Variants in OGN observed in about 807,000 individuals in gnomAD.
The protein encoded by OGN is osteoglycin.
A neutral mutation model predicts 30.8 loss-of-function variants in OGN; 19 were observed. The ratio of observed to expected loss-of-function variants is 0.62; its 90% CI spans 0.43 to 0.90. OGN has a LOEUF of 0.90. Among genes scored for constraint, OGN ranks in the 40% least tolerant of loss-of-function variants. OGN has a pLI of 0.00. For missense variants in OGN, 283 were observed against 349.7 expected, an observed-to-expected ratio of 0.81 and a Z score of 1.52; for synonymous variants, 126 against 128.3, an observed-to-expected ratio of 0.98 and a Z score of 0.12.
At chr9:92,397,789 C>T (rs897615636) in intron 3 of OGN, among the ~76,000 whole-genome samples, 2 of 152,174 alleles carry the variant, frequency 1.3e-5, no homozygotes, top group African/African-American at 4.8e-5. Context: ...ACAGATAATA[C>T]ACATACATGC....
rs139219434 is a variant in OGN, at chr9:92,389,690, G to A, written c.630+164C>T. On this transcript the variant is annotated intron_variant, in intron 5 of 6. Transcript: ENST00000375561. Reference sequence around the variant, plus strand: ...CTGAGATATGGGTATAAGCTAGGCTGAATGAGCCTAATAGGATGGTTATTT... The same window carrying A: ...CTGAGATATGGGTATAAGCTAGGCTAAATGAGCCTAATAGGATGGTTATTT... 5.4e-6 allele frequency: 3 copies of A among 551,890 alleles called. No homozygotes were observed. The South Asian group carries it at 8.1e-5, about 15-fold the overall frequency. The allele number at this position is 551,890 out of a possible 1,614,324, so 34.2% of individuals were successfully genotyped here. A position where few individuals can be genotyped will look rare whatever the true frequency, so the allele number is the denominator to read the frequency against.
intron 5 of OGN, among the ~76,000 whole-genome samples, chr9:92,386,920 C>T (rs1428525806): frequency 6.6e-6 from 1 of 151,324 alleles, no homozygotes; most frequent in African/African-American, 2.4e-5. Context: ...TGGTGGTGGG[C>T]GCCTGTAGTC....
At chr9:92,396,839 T>C (rs1308873711) in intron 3 of OGN, among the ~76,000 whole-genome samples, 1 of 152,080 alleles carries the variant, frequency 6.6e-6, no homozygotes, top group Non-Finnish European at 1.5e-5. Context: ...CATAAACATC[T>C]TTTATATCTA....
chr9:92,400,470 C>T (rs1843067147), intron 3 of OGN, among the ~76,000 whole-genome samples: 1 of 152,104 alleles, frequency 6.6e-6, no homozygotes, highest in African/African-American at 2.4e-5. Context: ...TAAATTTATT[C>T]AAATCTATTT....
At chr9:92,387,771 C>T (rs1564291035) in intron 5 of OGN, among the ~76,000 whole-genome samples, 2 of 150,868 alleles carry the variant, frequency 1.3e-5, no homozygotes, top group East Asian at 3.9e-4. Flanking sequence ...ATTTTCTTTT[C>T]TTTTTTTTTA....
intron 4 of OGN, among the ~76,000 whole-genome samples, chr9:92,390,376 T>A (rs1001482833): frequency 2.6e-5 from 4 of 152,234 alleles, no homozygotes; most frequent in Non-Finnish European, 5.9e-5. Context: ...TTGTTGCAAA[T>A]CATGGAAAGG....
Position 92,384,678 on chromosome 9 carries a change from G to A in OGN, c.*942C>T, listed in dbSNP as rs1337437347. On this transcript the variant is annotated 3_prime_UTR_variant, in exon 7 of 7. Coordinates refer to ENST00000375561, the MANE Select transcript of OGN (RefSeq NM_014057.5). The stretch of plus-strand genomic sequence containing the variant: ...TATTCAGTTTGTTACAGTGAACATG[G>A]ATGTGTATGGGTGGGAAGGTAGTGT... 1 of 152,092 alleles carries A rather than the reference G, an allele frequency of 6.6e-6. No individual in the cohort carries two copies. Among genetic ancestry groups the A allele is most frequent in the Non-Finnish European group, 1.5e-5 (1 of 67,988 alleles). The allele number at this position is 152,092 out of a possible 1,614,324, so 9.4% of individuals were successfully genotyped here.
intron 4 of OGN, among the ~76,000 whole-genome samples, chr9:92,390,678 A>T (rs1445277506): frequency 2.0e-5 from 3 of 152,172 alleles, no homozygotes; most frequent in Non-Finnish European, 2.9e-5. Context: ...GTTCTATAAA[A>T]TTACCACAAG....
chr9:92,393,324 A>G lies in OGN; in HGVS notation c.269-80T>C, dbSNP rs544071313. 7.5e-6 allele frequency: 8 copies of G among 1,073,296 alleles called. No homozygotes were observed. The African/African-American group carries it at 9.6e-5, about 13-fold the overall frequency. 66.5% of individuals were successfully genotyped at this position (1,073,296 alleles called of 1,614,324 possible). A position where few individuals can be genotyped will look rare whatever the true frequency, so the allele number is the denominator to read the frequency against. The stretch of plus-strand genomic sequence containing the variant: ...CTCTAGTAGTAAAATTATTGCTATT[A>G]TGAATGCTATTACTAATTTGAAGAG... On this transcript the variant is annotated intron_variant, in intron 3 of 6. Coordinates refer to ENST00000375561, the MANE Select transcript of OGN (RefSeq NM_014057.5).
chr9:92,403,767 G>A (rs1843214099), intron 1 of OGN: 1 of 621,244 alleles, frequency 1.6e-6, no homozygotes, highest in Non-Finnish European at 2.0e-6. Flanking sequence ...TAGGATACCT[G>A]TAGTATAAAT....
At chr9:92,391,800 A>G (rs72752442) in intron 4 of OGN, among the ~76,000 whole-genome samples, 4,672 of 152,206 alleles carry the variant, frequency 0.031, 113 homozygotes, top group South Asian at 0.084. Context: ...ATTTTTTGCC[A>G]CTCTGAGCAT....
At position 92,385,428 on chromosome 9, in the gene OGN, T is replaced by A. The variant is rs1842379129; in HGVS notation, c.*192A>T. ...TTAAATATTTTCATATTACTTTGTT[T>A]CGAACGTAGACATTCAGTCTTACTT... On this transcript the variant is annotated 3_prime_UTR_variant, in exon 7 of 7. Coordinates refer to ENST00000375561, the MANE Select transcript of OGN (RefSeq NM_014057.5). 1.9e-6 allele frequency: 1 copy of A among 524,142 alleles called. No homozygotes were observed. 32.5% of individuals were successfully genotyped at this position (524,142 alleles called of 1,614,324 possible). A position where few individuals can be genotyped will look rare whatever the true frequency, so the allele number is the denominator to read the frequency against.
At chr9:92,392,398 C>T (rs928362141) in intron 4 of OGN, among the ~76,000 whole-genome samples, 7 of 152,002 alleles carry the variant, frequency 4.6e-5, no homozygotes, top group East Asian at 3.9e-4. Context: ...CCGAGGCGGG[C>T]GGATCACAAG....
At chr9:92,389,233 G>A (rs1282403173) in intron 5 of OGN, among the ~76,000 whole-genome samples, 1 of 152,174 alleles carries the variant, frequency 6.6e-6, no homozygotes, top group African/African-American at 2.4e-5. Context: ...GATTACTCCT[G>A]TAGGTCATGC....
At position 92,384,503 on chromosome 9, in the gene OGN, G is replaced by C. The variant is rs1842349345; in HGVS notation, c.*1117C>G. Reference sequence around the variant, plus strand: ...GTCTAATACTTTTAGTGGGGTACAAGTGAGAGGAATGTTATTTTAGAAACT... The same window carrying C: ...GTCTAATACTTTTAGTGGGGTACAACTGAGAGGAATGTTATTTTAGAAACT... On this transcript the variant is annotated 3_prime_UTR_variant, in exon 7 of 7. Coordinates refer to ENST00000375561, the MANE Select transcript of OGN (RefSeq NM_014057.5). The C allele has an allele frequency of 6.6e-6, 1 of 152,160 alleles. No homozygotes were observed. Among genetic ancestry groups the C allele is most frequent in the South Asian group, 2.1e-4 (1 of 4,830 alleles). 9.4% of individuals were successfully genotyped at this position (152,160 alleles called of 1,614,324 possible).
At chr9:92,390,587 T>TGCGCGC (rs1554756507) in intron 4 of OGN, among the ~76,000 whole-genome samples, 10 of 141,914 alleles carry the variant, frequency 7.0e-5, no homozygotes, top group African/African-American at 1.7e-4. Flanking sequence ...TGTGTGTGTG[T>TGCGCGC]GCGCGCGCGC....
chr9:92,398,008 A>G (rs1842961521), intron 3 of OGN, among the ~76,000 whole-genome samples: 1 of 152,118 alleles, frequency 6.6e-6, no homozygotes, highest in Non-Finnish European at 1.5e-5. Context: ...CGTATTTGTA[A>G]TGTTTCTCTG....
At chr9:92,401,353 G>C (rs1843104090) in intron 2 of OGN, among the ~76,000 whole-genome samples, 168 bp from the exon 3 acceptor site, 1 of 152,090 alleles carries the variant, frequency 6.6e-6, no homozygotes, top group African/African-American at 2.4e-5. Context: ...ATTACAATAA[G>C]TATTTTTTAG....
At chr9:92,400,428 C>T (rs563211518) in intron 3 of OGN, among the ~76,000 whole-genome samples, 2 of 152,336 alleles carry the variant, frequency 1.3e-5, no homozygotes, top group African/African-American at 2.4e-5. Context: ...GGATTACAGG[C>T]GTGAGCCACC....
Sources: allele counts gnomAD v4.1 joint callset (sites outside exome capture counted in the v4.1 genomes callset), GRCh38; gene constraint gnomAD v4.1.1; transcripts MANE v1.5; gene names NCBI Gene and HGNC (gene_info 2026-07-23, HGNC 2026-07-21).